The following DNAH5 variants were observed in gnomAD, a reference collection of about 807,000 sequenced individuals.
The protein encoded by DNAH5 is dynein axonemal heavy chain 5.
A neutral mutation model predicts 518.2 loss-of-function variants in DNAH5; 372 were observed. That is an observed-to-expected ratio of 0.72 (90% confidence interval 0.66 to 0.78). DNAH5 has a LOEUF of 0.78. Among genes scored for constraint, DNAH5 ranks in the 30% least tolerant of loss-of-function variants. DNAH5 has a pLI of 0.00. For synonymous variants in DNAH5, 2,039 were observed against 2,025.9 expected (o/e 1.01, Z -0.17); for missense variants, 5,523 against 5,687.0 (o/e 0.97, Z 0.93).
upstream of DNAH5, among the ~76,000 whole-genome samples, chr5:13,946,341 G>A (rs1056730983): frequency 3.3e-5 from 5 of 152,250 alleles, no homozygotes; most frequent in East Asian, 1.9e-4. Flanking sequence ...ACAGCAAACC[G>A]GGAAGCCTTC....
rs143848918 is a variant in DNAH5, at chr5:13,809,037, G to C, written c.7752+7C>G. ...ATGCTACAGTTAATAAAAATTAAAA[G>C]TCATACCTTGCCCTGTTTAGCAATG... On this transcript the variant is annotated splice_region_variant and intron_variant, in intron 46 of 78. Transcript: ENST00000265104. 321 of 1,613,998 alleles carry C rather than the reference G, an allele frequency of 2.0e-4. No homozygotes were observed. The African/African-American group carries it at 3.7e-3, about 19-fold the overall frequency.
At chr5:13,984,353 G>A (rs1178299357) in intron 1 of DNAH5, among the ~76,000 whole-genome samples, 4 of 152,200 alleles carry the variant, frequency 2.6e-5, no homozygotes, top group Non-Finnish European at 5.9e-5. Context: ...GTATAAGAAC[G>A]CTTGTGATTT....
intron 64 of DNAH5, among the ~76,000 whole-genome samples, 190 bp from the exon 65 acceptor site, chr5:13,751,450 A>G (rs1380792671): frequency 6.6e-6 from 1 of 152,136 alleles, no homozygotes; most frequent in Non-Finnish European, 1.5e-5. Flanking sequence ...GCAAAGAAGG[A>G]TGGGAGGAAG....
intron 21 of DNAH5, among the ~76,000 whole-genome samples, chr5:13,880,990 A>G (rs1208065463): frequency 2.0e-5 from 3 of 152,058 alleles, no homozygotes; most frequent in Non-Finnish European, 4.4e-5. Flanking sequence ...AGGGATGAAA[A>G]AATAAAGTTC....
intron 63 of DNAH5, 149 bp downstream of exon 63, chr5:13,753,084 A>G: frequency 1.6e-6 from 1 of 625,568 alleles, no homozygotes; most frequent in South Asian, 2.0e-5. Context: ...ATATTTTTAT[A>G]TTAGATTTAA....
intron 30 of DNAH5, among the ~76,000 whole-genome samples, chr5:13,857,048 A>G (rs930316190): frequency 7.9e-5 from 12 of 152,256 alleles, no homozygotes; most frequent in Admixed American, 2.0e-4. Context: ...AGGGTATTCA[A>G]ATAGGAAAAG....
At chr5:13,716,793 G>A (rs534904514) in intron 73 of DNAH5, 103 bp from the exon 74 acceptor site, 5 of 808,632 alleles carry the variant, frequency 6.2e-6, no homozygotes, top group Non-Finnish European at 1.0e-5. Flanking sequence ...CATTCAGTCA[G>A]TCACTCTTCA....
intron 52 of DNAH5, among the ~76,000 whole-genome samples, chr5:13,785,367 G>A (rs760206734): frequency 2.6e-5 from 4 of 152,086 alleles, no homozygotes; most frequent in Non-Finnish European, 4.4e-5. Flanking sequence ...ACTGGTCTGC[G>A]GCCCCGGGGC....
chr5:13,782,798 G>T (rs1755384085), intron 52 of DNAH5, among the ~76,000 whole-genome samples: 1 of 152,180 alleles, frequency 6.6e-6, no homozygotes, highest in East Asian at 1.9e-4. Context: ...AACAGAGAAG[G>T]CTTGCAAAGC....
chr5:13,945,666 C>T (rs1044020281), upstream of DNAH5, among the ~76,000 whole-genome samples: 1 of 151,912 alleles, frequency 6.6e-6, no homozygotes, highest in African/African-American at 2.4e-5. Context: ...AGTGCAGTTG[C>T]GTGACCACCA....
chr5:13,751,312 G>A (rs755622827), intron 64 of DNAH5, 52 bp from the exon 65 acceptor site: 2 of 1,460,510 alleles, frequency 1.4e-6, no homozygotes, highest in South Asian at 1.2e-5. Flanking sequence ...ATACCTTACT[G>A]TGTCTTTTTT....
chr5:13,842,990 G>C (rs1022927479), intron 32 of DNAH5, among the ~76,000 whole-genome samples: 1 of 152,220 alleles, frequency 6.6e-6, no homozygotes, highest in African/African-American at 2.4e-5. Flanking sequence ...TTGAGACAGT[G>C]AGAAGCTTTG....
intron 47 of DNAH5, among the ~76,000 whole-genome samples, chr5:13,799,453 C>T (rs955110689): frequency 2.6e-5 from 4 of 152,186 alleles, no homozygotes; most frequent in Non-Finnish European, 5.9e-5. Context: ...TTCCCCTCCA[C>T]TGTAACCCTA....
chr5:13,902,636 A>C (rs966002121), intron 12 of DNAH5, among the ~76,000 whole-genome samples: 1 of 152,218 alleles, frequency 6.6e-6, no homozygotes, highest in Admixed American at 6.5e-5. Context: ...TACCACTGCA[A>C]TGCCAAAGCA....
At chr5:13,975,181 A>G (rs1413399440) in intron 1 of DNAH5, among the ~76,000 whole-genome samples, 6 of 152,204 alleles carry the variant, frequency 3.9e-5, no homozygotes, top group Non-Finnish European at 8.8e-5. Flanking sequence ...AGCCCTCACA[A>G]TTATGGCAGA....
chr5:13,955,147 G>C (rs1020857152), intron 1 of DNAH5, among the ~76,000 whole-genome samples: 2 of 152,126 alleles, frequency 1.3e-5, no homozygotes, highest in African/African-American at 2.4e-5. Context: ...TCCCCCAACT[G>C]CTGTCTCGCG....
rs75692984 is a variant in DNAH5, at chr5:13,707,639, G to A, written c.13338+484C>T. Among the ~76,000 whole-genome samples the A allele has an allele frequency of 0.029, 4,402 of 152,212 alleles. 207 individuals are homozygous for A. Among genetic ancestry groups the A allele is most frequent in the African/African-American group, 0.096 (3,983 of 41,512 alleles). ...CACCCCTGTCACACGCCCTGTGAGGGGGATAAGGGAACTCCTCCGATTTCG... is the reference window on the plus strand; with the variant it reads ...CACCCCTGTCACACGCCCTGTGAGGAGGATAAGGGAACTCCTCCGATTTCG... On this transcript the variant is annotated intron_variant, in intron 76 of 78. Transcript: ENST00000265104. The surrounding 1 kb of genome is among the most constrained non-coding windows in gnomAD (Gnocchi z 4.0).
chr5:13,749,408 T>C (rs1749891684), intron 65 of DNAH5, among the ~76,000 whole-genome samples: 1 of 152,192 alleles, frequency 6.6e-6, no homozygotes, highest in South Asian at 2.1e-4. Flanking sequence ...CCTGCATCCA[T>C]ACTGGCTTTT....
intron 3 of DNAH5, among the ~76,000 whole-genome samples, chr5:13,926,138 G>C (rs1437425365): frequency 6.6e-6 from 1 of 152,156 alleles, no homozygotes; most frequent in African/African-American, 2.4e-5. Flanking sequence ...AACCCAGGTG[G>C]GGCCCCTGCT....
Sources: allele counts gnomAD v4.1 joint callset (sites outside exome capture counted in the v4.1 genomes callset), GRCh38; gene constraint gnomAD v4.1.1; non-coding constraint Gnocchi (gnomAD v3.1); transcripts MANE v1.5; gene names NCBI Gene and HGNC (gene_info 2026-07-23, HGNC 2026-07-21).